Variants in CCDC102B observed in about 807,000 individuals in gnomAD.
CCDC102B encodes the protein coiled-coil domain containing 102B.
In CCDC102B, 75 loss-of-function variants were observed where a neutral mutation model predicts 57.4. The ratio of observed to expected loss-of-function variants is 1.31; its 90% CI spans 1.08 to 1.58. The LOEUF (loss-of-function observed/expected upper bound fraction) is 1.58. Among genes scored for constraint, CCDC102B ranks in the 40% most tolerant of loss-of-function variants. The pLI, the probability that CCDC102B is intolerant of heterozygous loss-of-function variation, is 0.00. For synonymous variants in CCDC102B, 206 were observed against 201.9 expected, an observed-to-expected ratio of 1.02 and a Z score of -0.17; for missense variants, 636 against 582.6, an observed-to-expected ratio of 1.09 and a Z score of -0.94.
intron 2 of CCDC102B, among the ~76,000 whole-genome samples, chr18:68,837,643 G>A (rs1427942137): frequency 1.3e-5 from 2 of 152,086 alleles, no homozygotes; most frequent in Non-Finnish European, 2.9e-5. Flanking sequence ...GTCTTCACAT[G>A]GTCTTTTCTC....
intron 6 of CCDC102B, among the ~76,000 whole-genome samples, chr18:69,008,285 G>A (rs1193650184): frequency 6.6e-6 from 1 of 152,166 alleles, no homozygotes; most frequent in Non-Finnish European, 1.5e-5. Context: ...AAATCTGTTT[G>A]CATTTTAAGT....
chr18:68,984,555 A>G (rs1160019361), intron 6 of CCDC102B, among the ~76,000 whole-genome samples: 2 of 152,104 alleles, frequency 1.3e-5, no homozygotes, highest in African/African-American at 4.8e-5. Flanking sequence ...ATTTCACATC[A>G]TTGAATTCAT....
chr18:68,997,872 C>T (rs180869963), intron 6 of CCDC102B, among the ~76,000 whole-genome samples: 46 of 151,504 alleles, frequency 3.0e-4, no homozygotes, highest in African/African-American at 7.5e-4. Flanking sequence ...TTGGCATTTT[C>T]GCATTGCTGT....
At chr18:68,750,488 G>A (rs2033802548) in intron 2 of CCDC102B, among the ~76,000 whole-genome samples, 1 of 152,060 alleles carries the variant, frequency 6.6e-6, no homozygotes, top group Non-Finnish European at 1.5e-5. Context: ...AAAGACACAT[G>A]CACATGCACA....
intron 7 of CCDC102B, among the ~76,000 whole-genome samples, chr18:69,033,258 T>C (rs564872459): frequency 2.5e-4 from 38 of 152,282 alleles, no homozygotes; most frequent in African/African-American, 6.0e-4. Flanking sequence ...ATACTTATTT[T>C]AAATTATTTT....
At chr18:68,833,265 G>A (rs1376531514) in intron 1 of CCDC102B, among the ~76,000 whole-genome samples, 1 of 151,744 alleles carries the variant, frequency 6.6e-6, no homozygotes, top group African/African-American at 2.4e-5. Flanking sequence ...ATTAAGACGG[G>A]GATAATAATA....
intron 6 of CCDC102B, among the ~76,000 whole-genome samples, chr18:68,945,104 CTCTCTGT>C (rs1431591827): frequency 2.3e-5 from 3 of 132,512 alleles, no homozygotes; most frequent in Non-Finnish European, 4.7e-5. Context: ...CTCTCTCTCT[CTCTCTGT>C]CTCTCTCTCT....
chr18:68,748,234 G>A (rs1321359917), intron 2 of CCDC102B, among the ~76,000 whole-genome samples: 13 of 151,260 alleles, frequency 8.6e-5, no homozygotes, highest in Non-Finnish European at 1.6e-4. Flanking sequence ...GTGTGTGTGT[G>A]TGTGTGTGTG....
intron 7 of CCDC102B, among the ~76,000 whole-genome samples, chr18:69,037,042 C>CAT (rs2052314440): frequency 6.6e-6 from 1 of 151,808 alleles, no homozygotes; most frequent in African/African-American, 2.4e-5. Flanking sequence ...CACACACACA[C>CAT]ACACACACAC....
chr18:68,941,328 A>T (rs1599725027), intron 6 of CCDC102B, among the ~76,000 whole-genome samples: 3 of 151,934 alleles, frequency 2.0e-5, no homozygotes, highest in Admixed American at 1.3e-4. Context: ...AAATCATAGC[A>T]CAATTTAGGG....
At chr18:68,973,259 T>C (rs1489929126) in intron 6 of CCDC102B, among the ~76,000 whole-genome samples, 1 of 152,158 alleles carries the variant, frequency 6.6e-6, no homozygotes, top group African/African-American at 2.4e-5. Flanking sequence ...AAACTTGTCA[T>C]TTATTGAGAC....
At chr18:68,956,494 T>C in intron 6 of CCDC102B, among the ~76,000 whole-genome samples, 1 of 58,708 alleles carries the variant, frequency 1.7e-5, no homozygotes, top group Non-Finnish European at 2.6e-5. Flanking sequence ...AATATATATA[T>C]AAAATATATA....
intron 7 of CCDC102B, among the ~76,000 whole-genome samples, chr18:69,026,394 G>C (rs909911181): frequency 6.6e-6 from 1 of 150,532 alleles, no homozygotes; most frequent in Admixed American, 6.6e-5. Context: ...TTGAAGCCTG[G>C]AAGTGGAGGT....
chr18:68,864,366 A>T (rs1194075670), intron 4 of CCDC102B, among the ~76,000 whole-genome samples: 1 of 151,988 alleles, frequency 6.6e-6, no homozygotes. Context: ...GCATACTGAG[A>T]TTTTTGTGTA....
intron 1 of CCDC102B, among the ~76,000 whole-genome samples, chr18:68,812,478 G>A (rs1047983158): frequency 1.3e-5 from 2 of 152,032 alleles, no homozygotes; most frequent in Non-Finnish European, 2.9e-5. Context: ...CTTTCATGTC[G>A]TGGTTCACTT....
chr18:68,788,063 T>C (rs1365935872), intron 2 of CCDC102B, among the ~76,000 whole-genome samples: 1 of 151,572 alleles, frequency 6.6e-6, no homozygotes, highest in East Asian at 1.9e-4. Context: ...AACATCTTTA[T>C]TTCTGCCTTC....
At chr18:68,819,661 G>A in intron 1 of CCDC102B, among the ~76,000 whole-genome samples, 1 of 151,938 alleles carries the variant, frequency 6.6e-6, no homozygotes, top group East Asian at 1.9e-4. Context: ...GTTGATTTAT[G>A]CATAAATGTC....
chr18:68,728,809 C>A, intron 2 of CCDC102B, among the ~76,000 whole-genome samples: 1 of 151,758 alleles, frequency 6.6e-6, no homozygotes, highest in East Asian at 1.9e-4. Context: ...TCAATATTAC[C>A]ACACCTATTA....
In CCDC102B at chr18:68,781,174, C is replaced by T. The variant is rs78722732; in HGVS notation, c.-66-42192C>T. On this transcript the variant is annotated intron_variant, in intron 2 of 3. Transcript: ENST00000578970. ...AGTACAAAACAAAATGCCTTCATTA[C>T]TTAGCTGATTATGGAGACTGTGAGT... 9.5e-3 allele frequency among the ~76,000 whole-genome samples: 1,449 copies of T among 152,108 alleles called. 26 individuals carry two copies. Among genetic ancestry groups the T allele is most frequent in the African/African-American group, 0.033 (1,367 of 41,506 alleles).
Sources: gnomAD v4.1 joint callset for allele counts (sites outside exome capture counted in the v4.1 genomes callset) on GRCh38, gnomAD v4.1.1 for gene constraint, MANE v1.5 for transcripts, NCBI Gene and HGNC (gene_info 2026-07-23, HGNC 2026-07-21) for gene names.